The following ASCC3 variants were observed in gnomAD, a reference collection of about 807,000 sequenced individuals.
The protein encoded by ASCC3 is ASC-1 complex subunit P200.
A neutral mutation model predicts 256.3 loss-of-function variants in ASCC3; 158 were observed. The ratio of observed to expected loss-of-function variants is 0.62; its 90% CI spans 0.54 to 0.70. ASCC3 has a LOEUF of 0.70. ASCC3 is among the 30% of genes least tolerant of loss of function. The pLI is 0.00. For synonymous variants in ASCC3, 948 were observed against 883.4 expected (o/e 1.07, Z -1.30); for missense variants, 2,259 against 2,626.0 (o/e 0.86, Z 3.05).
chr6:100,662,265 T>C (rs924878801), intron 15 of ASCC3, 80 bp downstream of exon 15: 51 of 1,419,048 alleles, frequency 3.6e-5, no homozygotes, highest in Non-Finnish European at 4.5e-5. Flanking sequence ...CAAATCACAA[T>C]ATTTTTCTAT....
intron 13 of ASCC3, among the ~76,000 whole-genome samples, chr6:100,690,417 C>T (rs530787561): frequency 7.2e-5 from 11 of 152,006 alleles, no homozygotes; most frequent in Non-Finnish European, 1.2e-4. Flanking sequence ...AGCATCCTTA[C>T]TTTGGATAAA....
rs1776241289 is a variant in ASCC3, at chr6:100,661,913, T to G, written c.2596A>C (p.Ile866Leu). The change falls in exon 16 of 42, where the codon ATT (isoleucine) becomes CTT (leucine). Residue 866 changes from isoleucine (I) to leucine (L), a missense_variant. Transcript: ENST00000369162. ...PQFDKFGEGI[I>L]ITTHDKLSHY... is the part of the protein sequence containing the mutation. ...CTGAGTTTATCATGCGTTGTTATAA[T>G]TATTCCTTCCCCAAATTTGTCAAAT... 1.2e-6 allele frequency: 2 copies of G among 1,613,452 alleles called. No homozygotes were observed. The highest frequency in any genetic ancestry group is 1.7e-6 in the Non-Finnish European group (2 of 1,179,536).
At chr6:100,819,667 G>A (rs1471489546) in intron 4 of ASCC3, among the ~76,000 whole-genome samples, 1 of 152,082 alleles carries the variant, frequency 6.6e-6, no homozygotes, top group South Asian at 2.1e-4. Flanking sequence ...GGGGTGGGGG[G>A]AGATGAATGC....
chr6:100,703,492 C>T (rs1452751552), intron 13 of ASCC3, among the ~76,000 whole-genome samples: 1 of 151,842 alleles, frequency 6.6e-6, no homozygotes, highest in Non-Finnish European at 1.5e-5. Context: ...TTAGTATCCC[C>T]AATATGCAGT....
At chr6:100,847,924 A>T in intron 4 of ASCC3, 1 of 401,034 alleles carries the variant, frequency 2.5e-6, no homozygotes, top group Non-Finnish European at 4.4e-6. Flanking sequence ...ACACCCAACT[A>T]TTGTCTGCTT....
chr6:100,568,477 G>A (rs888988362), intron 36 of ASCC3, among the ~76,000 whole-genome samples: 2 of 151,350 alleles, frequency 1.3e-5, no homozygotes, highest in Non-Finnish European at 2.9e-5. Context: ...ATGTTTGCTG[G>A]TTGCTTGTAT....
chr6:100,868,883 C>T (rs930523034), intron 1 of ASCC3, among the ~76,000 whole-genome samples: 1 of 152,220 alleles, frequency 6.6e-6, no homozygotes, highest in African/African-American at 2.4e-5. Flanking sequence ...TCCTCCTTAA[C>T]AGGCTGATGA....
chr6:100,535,232 A>G (rs753959224), intron 37 of ASCC3, among the ~76,000 whole-genome samples: 6 of 152,142 alleles, frequency 3.9e-5, no homozygotes, highest in Non-Finnish European at 7.3e-5. Context: ...ATAATTTTCA[A>G]TCAGCCAGCA....
chr6:100,790,722 T>C (rs975290066), intron 8 of ASCC3, among the ~76,000 whole-genome samples: 2 of 151,982 alleles, frequency 1.3e-5, no homozygotes, highest in African/African-American at 4.8e-5. Flanking sequence ...TCTTCTCCAT[T>C]CTAATTTCCT....
At chr6:100,573,976 C>T (rs893052637) in intron 36 of ASCC3, among the ~76,000 whole-genome samples, 1 of 151,994 alleles carries the variant, frequency 6.6e-6, no homozygotes, top group Admixed American at 6.6e-5. Flanking sequence ...TGGGGGAGGA[C>T]AATGTCAGCA....
At chr6:100,649,555 C>A (rs1775554354) in intron 20 of ASCC3, among the ~76,000 whole-genome samples, 2 of 151,440 alleles carry the variant, frequency 1.3e-5, no homozygotes, top group Non-Finnish European at 3.0e-5. Flanking sequence ...TACATGCATT[C>A]AAAATGTTTA....
intron 21 of ASCC3, 87 bp from the exon 22 acceptor site, chr6:100,646,856 T>C: frequency 1.5e-6 from 2 of 1,324,006 alleles, no homozygotes; most frequent in Admixed American, 3.7e-5. Flanking sequence ...TCAGAGAAGG[T>C]GATTTTATTG....
chr6:100,852,473 AAATAGCCT>A (rs368128597), intron 3 of ASCC3, among the ~76,000 whole-genome samples: 153 of 152,296 alleles, frequency 1.0e-3, no homozygotes, highest in Middle Eastern at 3.4e-3. Context: ...TCCTGTTCCG[AAATAGCCT>A]TTTGTTCACT....
At chr6:100,529,130 G>A (rs992489866) in intron 37 of ASCC3, among the ~76,000 whole-genome samples, 7 of 152,032 alleles carry the variant, frequency 4.6e-5, no homozygotes, top group African/African-American at 1.4e-4. Context: ...TAAAATGAGA[G>A]AGGAACATAA....
At chr6:100,768,144 G>T (rs377118357) in intron 8 of ASCC3, among the ~76,000 whole-genome samples, 1 of 152,032 alleles carries the variant, frequency 6.6e-6, no homozygotes, top group African/African-American at 2.4e-5. Context: ...TTAAAACGCA[G>T]CAGTAATAGT....
intron 4 of ASCC3, among the ~76,000 whole-genome samples, chr6:100,822,657 C>G (rs965888137): frequency 2.0e-5 from 3 of 151,964 alleles, no homozygotes; most frequent in Non-Finnish European, 4.4e-5. Flanking sequence ...TACTAAAGAA[C>G]CTTGAAAATT....
intron 24 of ASCC3, among the ~76,000 whole-genome samples, chr6:100,639,482 A>AT (rs1045881561): frequency 1.6e-4 from 25 of 152,096 alleles, no homozygotes; most frequent in African/African-American, 6.0e-4. Context: ...CAGACCTTAT[A>AT]TTTTCCATAA....
intron 13 of ASCC3, among the ~76,000 whole-genome samples, chr6:100,701,925 G>A (rs969463981): frequency 1.1e-4 from 16 of 152,112 alleles, no homozygotes; most frequent in South Asian, 4.1e-4. Context: ...GAAAGAAGGC[G>A]TGGGAGGTGG....
chr6:100,592,854 A>G (rs1582516957), intron 34 of ASCC3, among the ~76,000 whole-genome samples: 1 of 152,136 alleles, frequency 6.6e-6, no homozygotes, highest in Non-Finnish European at 1.5e-5. Context: ...GGTTATTTAA[A>G]CACAAACATT....
Sources: gnomAD v4.1 joint callset for allele counts (sites outside exome capture counted in the v4.1 genomes callset) on GRCh38, gnomAD v4.1.1 for gene constraint, MANE v1.5 for transcripts, NCBI Gene and HGNC (gene_info 2026-07-23, HGNC 2026-07-21) for gene names.